The following MARCHF1 variants were observed in gnomAD, a reference collection of about 807,000 sequenced individuals.
MARCHF1 encodes E3 ubiquitin-protein ligase MARCHF1.
In MARCHF1, 40 loss-of-function variants were observed where a neutral mutation model predicts 54.2. The observed-to-expected ratio is 0.74, with a 90% CI of 0.57 to 0.96. The LOEUF (loss-of-function observed/expected upper bound fraction) is 0.96, where lower values mean the gene tolerates loss of function less well. Among genes scored for constraint, MARCHF1 ranks in the 40% least tolerant of loss-of-function variants. The pLI is 0.00. For missense variants in MARCHF1, 586 were observed against 656.5 expected (o/e 0.89, Z 1.17); for synonymous variants, 236 against 236.3 (o/e 1.00, Z 0.01).
chr4:163,950,699 A>G (rs1752118294), intron 3 of MARCHF1, among the ~76,000 whole-genome samples: 1 of 152,224 alleles, frequency 6.6e-6, no homozygotes, highest in South Asian at 2.1e-4. Context: ...CAGATAGGCT[A>G]CTACCTGTGA....
At chr4:164,352,667 G>T (rs1730387861) in intron 1 of MARCHF1, among the ~76,000 whole-genome samples, 1 of 150,566 alleles carries the variant, frequency 6.6e-6, no homozygotes, top group Admixed American at 6.6e-5. Context: ...ATGCCAAAAT[G>T]TAAAGACCAT....
At chr4:163,982,238 T>C (rs1752777860) in intron 3 of MARCHF1, among the ~76,000 whole-genome samples, 1 of 152,204 alleles carries the variant, frequency 6.6e-6, no homozygotes, top group Non-Finnish European at 1.5e-5. Flanking sequence ...AAGAGAGTAG[T>C]TGGAAAGTGC....
chr4:163,544,568 C>T (rs538658707), intron 9 of MARCHF1, among the ~76,000 whole-genome samples: 43 of 152,294 alleles, frequency 2.8e-4, no homozygotes, highest in Admixed American at 1.7e-3. Flanking sequence ...TGCACGCTGG[C>T]GTGTGCTGCT....
At chr4:164,210,533 T>G (rs1307180187) in intron 1 of MARCHF1, among the ~76,000 whole-genome samples, 1 of 152,174 alleles carries the variant, frequency 6.6e-6, no homozygotes, top group Non-Finnish European at 1.5e-5. Context: ...GTCATAGATA[T>G]GGGCTGGAGC....
At chr4:163,841,959 C>T (rs1408096970) in intron 4 of MARCHF1, among the ~76,000 whole-genome samples, 1 of 151,982 alleles carries the variant, frequency 6.6e-6, no homozygotes, top group Non-Finnish European at 1.5e-5. Flanking sequence ...ATTATTTCAC[C>T]TAATAATTAC....
At chr4:163,889,867 T>A (rs1223437307) in intron 3 of MARCHF1, among the ~76,000 whole-genome samples, 3 of 144,094 alleles carry the variant, frequency 2.1e-5, no homozygotes, top group South Asian at 4.4e-4. Flanking sequence ...AAAAAAAAAA[T>A]CTCAATAATA....
At chr4:164,359,092 T>A (rs560434272) in intron 1 of MARCHF1, among the ~76,000 whole-genome samples, 9 of 152,156 alleles carry the variant, frequency 5.9e-5, no homozygotes, top group Admixed American at 4.6e-4. Context: ...TAAACATTTC[T>A]AGTGCGATAG....
rs571826801 is a variant in MARCHF1 at position 163,894,229 on chromosome 4, G to A, written c.-38-40060C>T. Among the ~76,000 whole-genome samples the A allele has an allele frequency of 6.3e-4, 96 of 152,150 alleles. 1 individual carries two copies. The highest frequency in any genetic ancestry group is 2.2e-3 in the African/African-American group (90 of 41,482). On this transcript the variant is annotated intron_variant, in intron 3 of 9. Transcript: ENST00000514618. ...GAAAACTTCCTTCAAGGCAGGATCA[G>A]TTTGGCAATTTTCCTCTATGTTATT...
At chr4:163,851,982 T>A (rs894014720) in intron 4 of MARCHF1, among the ~76,000 whole-genome samples, 1 of 152,098 alleles carries the variant, frequency 6.6e-6, no homozygotes, top group Middle Eastern at 3.2e-3. Context: ...GAAACTGAGA[T>A]TTGGGGGTTT....
chr4:163,613,832 A>C (rs532644091), intron 5 of MARCHF1, among the ~76,000 whole-genome samples: 2 of 152,288 alleles, frequency 1.3e-5, no homozygotes, highest in South Asian at 2.1e-4. Context: ...TGAAGCTAAC[A>C]TCAAGGCCCC....
At chr4:164,306,116 A>G (rs185985532) in intron 1 of MARCHF1, among the ~76,000 whole-genome samples, 9 of 152,270 alleles carry the variant, frequency 5.9e-5, no homozygotes, top group Admixed American at 5.2e-4. Flanking sequence ...CTGTGAATAA[A>G]ATGGAAAAAA....
chr4:164,131,211 G>A (rs142805948), intron 1 of MARCHF1, among the ~76,000 whole-genome samples: 2 of 152,222 alleles, frequency 1.3e-5, no homozygotes, highest in Non-Finnish European at 2.9e-5. Flanking sequence ...GAACTCAACT[G>A]GGAGACATGG....
At chr4:163,673,270 ATT>A (rs1288165972) in intron 5 of MARCHF1, among the ~76,000 whole-genome samples, 2 of 152,244 alleles carry the variant, frequency 1.3e-5, no homozygotes, top group Non-Finnish European at 2.9e-5. Flanking sequence ...CCTGTTAAAC[ATT>A]TAGCAAAAGC....
chr4:164,033,641 A>G (rs1162308323), intron 2 of MARCHF1, among the ~76,000 whole-genome samples: 1 of 152,220 alleles, frequency 6.6e-6, no homozygotes, highest in Non-Finnish European at 1.5e-5. Flanking sequence ...TCTCAAAAGA[A>G]TACATTTATG....
chr4:164,220,470 TG>T (rs1732064199), intron 1 of MARCHF1, among the ~76,000 whole-genome samples: 1 of 146,006 alleles, frequency 6.8e-6, no homozygotes, highest in Admixed American at 7.0e-5. Flanking sequence ...TATATAGGTA[TG>T]GAATATATAT....
intron 1 of MARCHF1, among the ~76,000 whole-genome samples, chr4:164,223,452 G>T (rs772944187): frequency 1.2e-4 from 18 of 151,864 alleles, no homozygotes; most frequent in Non-Finnish European, 1.5e-5. Context: ...TGAATAATGG[G>T]TGCAATAACA....
At chr4:164,213,527 G>C (rs1373778308) in intron 1 of MARCHF1, among the ~76,000 whole-genome samples, 1 of 151,810 alleles carries the variant, frequency 6.6e-6, no homozygotes, top group Non-Finnish European at 1.5e-5. Context: ...GAGCCATCAC[G>C]CCTGGCCTGG....
intron 1 of MARCHF1, among the ~76,000 whole-genome samples, chr4:164,275,271 T>C (rs1733849619): frequency 6.6e-6 from 1 of 152,176 alleles, no homozygotes; most frequent in Admixed American, 6.5e-5. Context: ...AGAATGATTT[T>C]CCTAGAAACT....
chr4:163,811,596 G>A (rs35749285), intron 4 of MARCHF1, among the ~76,000 whole-genome samples: 2,135 of 152,216 alleles, frequency 0.014, 26 homozygotes, highest in Middle Eastern at 0.024. Flanking sequence ...TCCAATTTCC[G>A]ATGCCTTGGC....
Sources: allele counts gnomAD v4.1 joint callset (sites outside exome capture counted in the v4.1 genomes callset), GRCh38; gene constraint gnomAD v4.1.1; transcripts MANE v1.5; gene names NCBI Gene and HGNC (gene_info 2026-07-23, HGNC 2026-07-21).